Variants in OXNAD1 observed in about 807,000 individuals in gnomAD.
OXNAD1 encodes the protein oxidoreductase NAD-binding domain-containing protein 1.
In OXNAD1, 34 loss-of-function variants were observed where a neutral mutation model predicts 32.9. That is an observed-to-expected ratio of 1.03 (90% CI 0.79 to 1.38). OXNAD1 has a LOEUF of 1.38. Among genes scored for constraint, OXNAD1 ranks in the 40% most tolerant of loss-of-function variants. The pLI is 0.00. For synonymous variants in OXNAD1, 134 were observed against 135.2 expected (o/e 0.99, Z 0.06); for missense variants, 407 against 379.4 (o/e 1.07, Z -0.60).
Position 16,301,904 on chromosome 3 carries a change from G to GT in OXNAD1, c.675+37dup. 1 of 1,598,738 alleles carries GT rather than the reference G, an allele frequency of 6.3e-7. No homozygotes were observed. Among genetic ancestry groups the GT allele is most frequent in the Non-Finnish European group, 8.5e-7 (1 of 1,171,472 alleles). On this transcript the variant is annotated intron_variant, in intron 7 of 8. Coordinates refer to ENST00000285083, the MANE Select transcript of OXNAD1 (RefSeq NM_138381.5). The surrounding 1 kb of genome is among the most constrained non-coding windows in gnomAD (Gnocchi z 4.1). ...TATAGCTTGCTGTAAGCAAACTTGT[G>GT]TAGTGGTATTAATTGTTCATGAAAG...
rs1441437796 is a variant in OXNAD1 at position 16,329,159 on chromosome 3, T to G, written c.*31-7953T>G. Among the ~76,000 whole-genome samples the G allele has an allele frequency of 6.6e-6, 1 of 152,210 alleles. No individual in the cohort carries two copies. Among genetic ancestry groups the G allele is most frequent in the East Asian group, 1.9e-4 (1 of 5,190 alleles). On this transcript the variant is annotated intron_variant, in intron 9 of 9. Transcript: ENST00000435829. This position sits in a 1 kb window ranked among gnomAD's most constrained non-coding sequence, Gnocchi z 4.5. ...AAGTTCAGTCTCCTGCTCTCTCCCC[T>G]CTTTTCTGCGCTTCCGCCTCGGGAT...
rs758493435 is a variant in OXNAD1 at position 16,345,829 on chromosome 3, T to TGTGTGTGTGC, written c.*31-3346_*31-3345insTGTGTGTGCG. 8.0e-4 allele frequency among the ~76,000 whole-genome samples: 56 copies of TGTGTGTGTGC among 69,864 alleles called. No homozygotes were observed. In the East Asian group the frequency reaches 8.6e-3, roughly 11 times the overall value. The allele number at this position is 69,864 out of a possible 152,430, so 45.8% of individuals were successfully genotyped here. On this transcript the variant is annotated intron_variant, in intron 9 of 9. Coordinates refer to the OXNAD1 transcript ENST00000606098. The surrounding 1 kb of genome is among the most constrained non-coding windows in gnomAD (Gnocchi z 5.2). ...GTGTGTGTGTGTGTGCGCGCGCGCG[T>TGTGTGTGTGC]GCGCGCACGCGCACATGTGCATGTG...
At chr3:16,286,513 A>AT (rs2066084160) in intron 5 of OXNAD1, 65 bp downstream of exon 5, 3 of 1,344,094 alleles carry the variant, frequency 2.2e-6, no homozygotes, top group Non-Finnish European at 3.2e-6. Flanking sequence ...AGAAGGTATT[A>AT]TTTTTTCTCC....
chr3:16,323,455 T>A (rs200833904), intron 9 of OXNAD1: 56 of 1,610,124 alleles, frequency 3.5e-5, no homozygotes, highest in Non-Finnish European at 4.4e-5. Context: ...TACACTCCCC[T>A]CGCTGTAACA....
chr3:16,332,079 A>C (rs1053461553), intron 9 of OXNAD1, among the ~76,000 whole-genome samples: 1 of 151,962 alleles, frequency 6.6e-6, no homozygotes, highest in African/African-American at 2.4e-5. Context: ...TTTCATGACA[A>C]TGTGCTTTGG....
chr3:16,289,807 C>A lies in OXNAD1; in HGVS notation c.290+3359C>A, dbSNP rs950092640. ...TCCTGTACTCCTGGTAGAATTGACT[C>A]CTCCTTCCTCTGCCTTGCCTCGCTA... On this transcript the variant is annotated intron_variant, in intron 5 of 8. Transcript: ENST00000285083. The surrounding 1 kb of genome is among the most constrained non-coding windows in gnomAD (Gnocchi z 4.9). 2.0e-5 allele frequency among the ~76,000 whole-genome samples: 3 copies of A among 152,300 alleles called. No individual in the cohort carries two copies. Among genetic ancestry groups the A allele is most frequent in the African/African-American group, 7.2e-5 (3 of 41,560 alleles).
chr3:16,320,567 A>G lies in OXNAD1; in HGVS notation c.*31-16545A>G, dbSNP rs945848337. The stretch of plus-strand genomic sequence containing the variant: ...GGGAAGGATAAAATAATGATCACAA[A>G]TAACTAAAAGCCCAAAGGAGAGCTC... On this transcript the variant is annotated intron_variant, in intron 9 of 9. Transcript: ENST00000435829. This position sits in a 1 kb window ranked among gnomAD's most constrained non-coding sequence, Gnocchi z 4.5. 1.3e-5 allele frequency among the ~76,000 whole-genome samples: 2 copies of G among 152,246 alleles called. No homozygotes were observed. Among genetic ancestry groups the G allele is most frequent in the Non-Finnish European group, 2.9e-5 (2 of 68,048 alleles).
In OXNAD1 at chr3:16,317,343, T is replaced by A; in HGVS notation, c.*30+13751T>A. The A allele has an allele frequency of 8.7e-7, 1 of 1,144,444 alleles. No individual in the cohort carries two copies. The highest frequency in any genetic ancestry group is 1.2e-6 in the Non-Finnish European group (1 of 804,202). The allele number at this position is 1,144,444 out of a possible 1,614,324, so 70.9% of individuals were successfully genotyped here. ...ACCATGTCTGAGTGAGACATACAAT[T>A]CCCAGCATCCCCCAGCCAGGCAGTA... is the stretch of plus-strand genomic sequence containing the variant. On this transcript the variant is annotated intron_variant, in intron 9 of 9. Coordinates refer to the OXNAD1 transcript ENST00000435829. The surrounding 1 kb of genome is among the most constrained non-coding windows in gnomAD (Gnocchi z 4.3).
chr3:16,283,938 A>G (rs763831055), intron 4 of OXNAD1, among the ~76,000 whole-genome samples: 7 of 152,194 alleles, frequency 4.6e-5, no homozygotes, highest in Admixed American at 2.0e-4. Context: ...AAAGACCCCA[A>G]CCGTCAAAGG....
chr3:16,285,318 T>C (rs928101403), intron 4 of OXNAD1, among the ~76,000 whole-genome samples: 1 of 152,210 alleles, frequency 6.6e-6, no homozygotes. Flanking sequence ...GGGACGTTCA[T>C]TGACCTTGAC....
At position 16,297,247 on chromosome 3, in the gene OXNAD1, C is replaced by T. The variant is rs1392350098; in HGVS notation, c.432+2250C>T. ...TAAGCAATGAAAGGTATTGAAACATCGTTAACCCTGAGGGAAATGTAAATT... is the reference window on the plus strand; with the variant it reads ...TAAGCAATGAAAGGTATTGAAACATTGTTAACCCTGAGGGAAATGTAAATT... On this transcript the variant is annotated intron_variant, in intron 6 of 8. Coordinates refer to ENST00000285083, the MANE Select transcript of OXNAD1 (RefSeq NM_138381.5). The surrounding 1 kb of genome is among the most constrained non-coding windows in gnomAD (Gnocchi z 4.3). Among the ~76,000 whole-genome samples, 7 of 152,122 alleles carry T rather than the reference C, an allele frequency of 4.6e-5. No individual in the cohort carries two copies. Among genetic ancestry groups the T allele is most frequent in the East Asian group, 1.9e-4 (1 of 5,200 alleles).
chr3:16,332,096 TC>T (rs1418097054), intron 9 of OXNAD1, among the ~76,000 whole-genome samples: 2 of 152,146 alleles, frequency 1.3e-5, no homozygotes, highest in African/African-American at 2.4e-5. Flanking sequence ...TTGGTGTGGG[TC>T]TTTTTTACTC....
rs547326231 is a variant in OXNAD1, at chr3:16,318,501, T to G, written c.*30+14909T>G. On this transcript the variant is annotated intron_variant, in intron 9 of 9. Coordinates refer to the OXNAD1 transcript ENST00000435829. ...GCTTTGCTAGGAAAAACCAAAAATG[T>G]GCTATGTAAATGTTTAAAAATCTGC... is the stretch of plus-strand genomic sequence containing the variant. Among the ~76,000 whole-genome samples, 20 of 152,288 alleles carry G rather than the reference T, an allele frequency of 1.3e-4. No individual in the cohort carries two copies. In the South Asian group the frequency reaches 4.1e-3, roughly 32 times the overall value.
Position 16,312,555 on chromosome 3 carries a change from C to G in OXNAD1, c.*30+8963C>G, listed in dbSNP as rs1467369711. On this transcript the variant is annotated intron_variant, in intron 9 of 9. Transcript: ENST00000435829. This position sits in a 1 kb window ranked among gnomAD's most constrained non-coding sequence, Gnocchi z 4.7. ...GCTGTGAGCCCTAGCAGGACAGAGCCCAGACTGTGTGCTCCCTGCAGCACA... is the reference window on the plus strand; with the variant it reads ...GCTGTGAGCCCTAGCAGGACAGAGCGCAGACTGTGTGCTCCCTGCAGCACA... 6.6e-6 allele frequency among the ~76,000 whole-genome samples: 1 copy of G among 152,184 alleles called. No individual in the cohort carries two copies. The highest frequency in any genetic ancestry group is 1.5e-5 in the Non-Finnish European group (1 of 68,030).
At chr3:16,310,261 G>A (rs2067874403), downstream of OXNAD1, among the ~76,000 whole-genome samples, 1 of 152,166 alleles carries the variant, frequency 6.6e-6, no homozygotes, top group Non-Finnish European at 1.5e-5. Context: ...AAACTGGTAA[G>A]TTTGCTAGTT....
At chr3:16,276,207 A>G in intron 4 of OXNAD1, 1 of 224,962 alleles carries the variant, frequency 4.4e-6, no homozygotes, top group South Asian at 6.4e-5. Flanking sequence ...AGGCAGATGA[A>G]TCAAGTAATT....
At chr3:16,315,162 C>G (rs2068253666) in intron 9 of OXNAD1, among the ~76,000 whole-genome samples, 1 of 152,218 alleles carries the variant, frequency 6.6e-6, no homozygotes, top group Non-Finnish European at 1.5e-5. Flanking sequence ...TGTGCCCAGA[C>G]TGGAGTGCAG....
In OXNAD1 at chr3:16,278,754, C is replaced by T. The variant is rs111386922; in HGVS notation, c.183+7032C>T. 7.2e-5 allele frequency among the ~76,000 whole-genome samples: 11 copies of T among 152,230 alleles called. No individual in the cohort carries two copies. The East Asian group carries it at 1.2e-3, about 16-fold the overall frequency. Reference sequence around the variant, plus strand: ...GCAATGTGTTACTAGGCATGAGAAACGGGGGAGATACTGATGGCAGAGTGG... The same window carrying T: ...GCAATGTGTTACTAGGCATGAGAAATGGGGGAGATACTGATGGCAGAGTGG... On this transcript the variant is annotated intron_variant, in intron 4 of 8. Transcript: ENST00000285083.
chr3:16,294,569 T>C (rs1177125563), intron 5 of OXNAD1, among the ~76,000 whole-genome samples: 2 of 152,214 alleles, frequency 1.3e-5, no homozygotes, highest in Non-Finnish European at 2.9e-5. Context: ...TTTAACTTGT[T>C]ATGGGTCTGC....
Sources: allele counts gnomAD v4.1 joint callset (sites outside exome capture counted in the v4.1 genomes callset), GRCh38; gene constraint gnomAD v4.1.1; non-coding constraint Gnocchi (gnomAD v3.1); transcripts MANE v1.5; gene names NCBI Gene and HGNC (gene_info 2026-07-23, HGNC 2026-07-21).